Variants in SLK observed in about 807,000 individuals in gnomAD.
SLK encodes STE20 like kinase.
In SLK, 67 loss-of-function variants were observed where a neutral mutation model predicts 147.7. The ratio of observed to expected loss-of-function variants is 0.45; its 90% CI spans 0.37 to 0.56. The LOEUF (loss-of-function observed/expected upper bound fraction) is 0.56. SLK is among the 20% of genes least tolerant of loss of function. The probability of loss-of-function intolerance (pLI) is 0.00; values close to 1 mark genes in which losing one functional copy is unlikely to be tolerated. For missense variants in SLK, 1,136 were observed against 1,438.8 expected (o/e 0.79, Z 3.41); for synonymous variants, 441 against 475.0 (o/e 0.93, Z 0.93).
intron 1 of SLK, among the ~76,000 whole-genome samples, chr10:103,987,230 A>G (rs969913512): frequency 1.3e-5 from 2 of 152,168 alleles, no homozygotes; most frequent in African/African-American, 2.4e-5. Context: ...CATTGTTGGT[A>G]TAATCAATAT....
Position 103,999,726 on chromosome 10 carries a change from T to C in SLK, c.783-141T>C, listed in dbSNP as rs1844220451. 3 of 509,566 alleles carry C rather than the reference T, an allele frequency of 5.9e-6. No homozygotes were observed. In the African/African-American group the frequency reaches 5.9e-5, roughly 10 times the overall value. 31.6% of individuals were successfully genotyped at this position (509,566 alleles called of 1,614,324 possible). A position where few individuals can be genotyped will look rare whatever the true frequency, so the allele number is the denominator to read the frequency against. On this transcript the variant is annotated intron_variant, in intron 6 of 18. Coordinates refer to ENST00000369755, the MANE Select transcript of SLK (RefSeq NM_014720.4). ...ATGAATAAGTTTTACAAAATCTTAA[T>C]AGTCTCATTAACTAGTTATTTAAAT...
In SLK at chr10:103,977,431, C is replaced by T. The variant is rs116594161; in HGVS notation, c.150+9536C>T. Among the ~76,000 whole-genome samples the T allele has an allele frequency of 5.0e-3, 759 of 152,150 alleles. 3 individuals carry two copies. Among genetic ancestry groups the T allele is most frequent in the African/African-American group, 0.018 (729 of 41,496 alleles). The stretch of plus-strand genomic sequence containing the variant: ...TTCAAGAACAGCCTGGGCAACATAG[C>T]GAGACCCCATGTCTACGGAAAGTAG... On this transcript the variant is annotated intron_variant, in intron 1 of 18. Transcript: ENST00000369755.
chr10:104,003,276 T>G lies in SLK; in HGVS notation c.2098T>G (p.Ser700Ala). ...AAAAGAGCCTGAAGTTACTGTAGTTTCACAGCCCACTGAACCTCAGCCTGT... is the reference window on the plus strand; with the variant it reads ...AAAAGAGCCTGAAGTTACTGTAGTTGCACAGCCCACTGAACCTCAGCCTGT... ...IKKEPEVTVV[S>A]QPTEPQPVLI... The change falls in exon 9 of 19, where the codon TCA (serine) becomes GCA (alanine). Residue 700 changes from serine (S) to alanine (A), a missense_variant. Around this residue, in one of 6 missense-constraint regions of SLK, gnomAD observed 516 missense variants for 531.3 expected, o/e 0.97. Transcript: ENST00000369755. The G allele has an allele frequency of 6.2e-7, 1 of 1,613,978 alleles. No homozygotes were observed. The highest frequency in any genetic ancestry group is 1.7e-4 in the Middle Eastern group (1 of 6,058).
intron 4 of SLK, among the ~76,000 whole-genome samples, chr10:103,995,685 C>T (rs1844162107): frequency 6.6e-6 from 1 of 152,070 alleles, no homozygotes; most frequent in African/African-American, 2.4e-5. Context: ...TTCAGCCTCC[C>T]AAAGTGCTGG....
rs1844080651 is a variant in SLK at position 103,990,691 on chromosome 10, C to T, written c.167C>T (p.Thr56Ile). 1 of 1,558,940 alleles carries T rather than the reference C, an allele frequency of 6.4e-7. No individual in the cohort carries two copies. Among genetic ancestry groups the T allele is most frequent in the Non-Finnish European group, 8.6e-7 (1 of 1,157,412 alleles). ...GKVYKAQNKE[T>I]SVLAAAKVID... ...CATTTTCAGGCCCAGAATAAAGAGA[C>T]CAGTGTTTTAGCTGCTGCAAAAGTG... is the stretch of plus-strand genomic sequence containing the variant. The change falls in exon 2 of 19, where the codon ACC becomes ATC. Residue 56 changes from threonine (T) to isoleucine (I), a missense_variant. By Grantham distance (89) the Thr-to-Ile change is moderately conservative. Around this residue, in one of 6 missense-constraint regions of SLK, gnomAD observed 126 missense variants for 141.3 expected, o/e 0.89. Transcript: ENST00000369755.
chr10:104,020,498 A>G lies in SLK; in HGVS notation c.3332A>G (p.Gln1111Arg), dbSNP rs756360825. 15 of 1,612,938 alleles carry G rather than the reference A, an allele frequency of 9.3e-6. No individual in the cohort carries two copies. Among genetic ancestry groups the G allele is most frequent in the Non-Finnish European group, 1.3e-5 (15 of 1,179,522 alleles). ...TTTTCTTATTTATAGTTTGCTGCAC[A>G]AGAAGAAAAGAGGCAGAAAAATGAG... Reference protein sequence around the residue: ...DRDKIKQFAAQEEKRQKNERM... With the variant: ...DRDKIKQFAAREEKRQKNERM... Residue 1111 changes from glutamine (Q) to arginine (R), a missense_variant, in exon 17 of 19, where the codon CAA becomes CGA. By Grantham distance (43) the Gln-to-Arg change is conservative. Coordinates refer to ENST00000369755, the MANE Select transcript of SLK (RefSeq NM_014720.4).
At chr10:103,995,146 C>T (rs1301934537) in intron 4 of SLK, among the ~76,000 whole-genome samples, 1 of 152,112 alleles carries the variant, frequency 6.6e-6, no homozygotes, top group Non-Finnish European at 1.5e-5. Flanking sequence ...TGTCTCTTAT[C>T]CTCAATTGAT....
At chr10:103,996,756 A>G (rs1266986149) in intron 4 of SLK, among the ~76,000 whole-genome samples, 2 of 152,044 alleles carry the variant, frequency 1.3e-5, no homozygotes, top group Non-Finnish European at 2.9e-5. Context: ...CCGACAGGAA[A>G]GTTTTCTGGA....
intron 13 of SLK, among the ~76,000 whole-genome samples, 177 bp downstream of exon 13, chr10:104,011,085 T>C (rs893397541): frequency 6.6e-6 from 1 of 152,234 alleles, no homozygotes; most frequent in East Asian, 1.9e-4. Flanking sequence ...AATGGTGACA[T>C]TTAAGTTGCT....
In SLK at chr10:103,990,815, C is replaced by A; in HGVS notation, c.291C>A (p.Ala97=). The A allele has an allele frequency of 6.6e-7, 1 of 1,524,274 alleles. No individual in the cohort carries two copies. Among genetic ancestry groups the A allele is most frequent in the Admixed American group, 2.3e-5 (1 of 43,100 alleles). 94.4% of individuals were successfully genotyped at this position (1,524,274 alleles called of 1,614,324 possible). ...CAAATATAGTCAAGCTTCTAGATGC[C>A]TTCTATTATGAGAACAATCTTTGGG... ...DHPNIVKLLD[A]FYYENNLWIL... is the part of the protein sequence containing the mutation. The change falls in exon 2 of 19, where the codon GCC becomes GCA. Residue 97 remains alanine (A), a synonymous_variant. Coordinates refer to ENST00000369755, the MANE Select transcript of SLK (RefSeq NM_014720.4).
chr10:104,023,793 A>C (rs968186700), intron 18 of SLK, among the ~76,000 whole-genome samples: 1 of 152,194 alleles, frequency 6.6e-6, no homozygotes, highest in Non-Finnish European at 1.5e-5. Flanking sequence ...TGCGAGTGAG[A>C]ATATAAACTC....
In SLK at chr10:104,019,939, G is replaced by A; in HGVS notation, c.3321+17G>A. The A allele has an allele frequency of 1.9e-6, 3 of 1,588,318 alleles. No individual in the cohort carries two copies. On this transcript the variant is annotated intron_variant, in intron 16 of 18. Transcript: ENST00000369755. The stretch of plus-strand genomic sequence containing the variant: ...ATTAAACAGGTAAATATGCAAGTTA[G>A]TCTCTTCTCTTTTAGGTTTAAAATT...
chr10:103,977,282 A>G (rs1203708478), intron 1 of SLK, among the ~76,000 whole-genome samples: 5 of 152,236 alleles, frequency 3.3e-5, no homozygotes, highest in Admixed American at 6.5e-5. Flanking sequence ...CAGAATGAAC[A>G]AACTCTATTT....
Position 104,002,929 on chromosome 10 carries a change from T to C in SLK, c.1751T>C (p.Leu584Ser), listed in dbSNP as rs552889539. The stretch of plus-strand genomic sequence containing the variant: ...GAAGTGGTCGAAGTAGGCCAGAAAT[T>C]AATTAATAAGCCCATGGTGGGTCCT... ...GKEVVEVGQK[L>S]INKPMVGPEA... is the part of the protein sequence containing the mutation. The change falls in exon 9 of 19, where the codon TTA (leucine) becomes TCA (serine). Residue 584 changes from leucine to serine, a missense_variant. Leu to Ser is a moderately radical substitution (Grantham distance 145). This residue lies in a region of SLK where 516 missense variants were observed against 531.3 expected (regional missense o/e 0.97). Coordinates refer to ENST00000369755, the MANE Select transcript of SLK (RefSeq NM_014720.4). The C allele has an allele frequency of 3.1e-6, 5 of 1,614,082 alleles. No individual in the cohort carries two copies. In the East Asian group the frequency reaches 6.7e-5, roughly 22 times the overall value.
In SLK at chr10:104,025,798, G is replaced by C; in HGVS notation, c.*78G>C. 1 of 1,267,998 alleles carries C rather than the reference G, an allele frequency of 7.9e-7. No homozygotes were observed. Among genetic ancestry groups the C allele is most frequent in the Non-Finnish European group, 1.1e-6 (1 of 898,278 alleles). 78.5% of individuals were successfully genotyped at this position (1,267,998 alleles called of 1,614,324 possible). ...TCTCATCTTCTGCCACAGTCTCTCA[G>C]ATAGCTCATGAAGACAATCACCTGC... On this transcript the variant is annotated 3_prime_UTR_variant, in exon 19 of 19. Coordinates refer to ENST00000369755, the MANE Select transcript of SLK (RefSeq NM_014720.4).
At chr10:104,012,679 T>A (rs990896807) in intron 13 of SLK, among the ~76,000 whole-genome samples, 1 of 152,204 alleles carries the variant, frequency 6.6e-6, no homozygotes, top group Non-Finnish European at 1.5e-5. Context: ...TTTCACACAC[T>A]GATTCGCTGC....
At chr10:104,000,166 C>G (rs1844226739) in intron 7 of SLK, among the ~76,000 whole-genome samples, 1 of 152,082 alleles carries the variant, frequency 6.6e-6, no homozygotes. Context: ...TAATTATGTT[C>G]TTTTCATTTT....
At chr10:103,970,248 A>AAT (rs1427963779) in intron 1 of SLK, among the ~76,000 whole-genome samples, 1 of 152,236 alleles carries the variant, frequency 6.6e-6, no homozygotes, top group Non-Finnish European at 1.5e-5. Flanking sequence ...AGAAGATAAT[A>AAT]AACCATTTTG....
intron 1 of SLK, among the ~76,000 whole-genome samples, chr10:103,977,305 A>C (rs1002831966): frequency 7.9e-5 from 12 of 152,286 alleles, no homozygotes; most frequent in Non-Finnish European, 1.3e-4. Context: ...GCTTGCCCCA[A>C]AACCTCAATA....
Sources: gnomAD v4.1 joint callset for allele counts (sites outside exome capture counted in the v4.1 genomes callset) on GRCh38, gnomAD v4.1.1 for gene constraint, gnomAD v4.1.1 regional missense constraint, MANE v1.5 for transcripts, NCBI Gene and HGNC (gene_info 2026-07-23, HGNC 2026-07-21) for gene names.